OLFM3: variants seen among roughly 807,000 people sequenced by gnomAD.
The protein encoded by OLFM3 is noelin-3.
In OLFM3, 20 loss-of-function variants were observed where a neutral mutation model predicts 48.6. That is an observed-to-expected ratio of 0.41 (90% CI 0.29 to 0.60). OLFM3 has a LOEUF of 0.60. Ranked by LOEUF, OLFM3 falls within the 20% of genes least tolerant of loss-of-function variation. The pLI, the probability that OLFM3 is intolerant of heterozygous loss-of-function variation, is 0.28. For synonymous variants in OLFM3, 222 were observed against 198.1 expected (o/e 1.12, Z -1.01); for missense variants, 437 against 544.3 (o/e 0.80, Z 1.96).
At chr1:101,947,746 A>C (rs1010080390) in intron 1 of OLFM3, among the ~76,000 whole-genome samples, 1 of 152,246 alleles carries the variant, frequency 6.6e-6, no homozygotes. Context: ...TTCAAGTCCC[A>C]ATGCCATCAC....
intron 1 of OLFM3, among the ~76,000 whole-genome samples, chr1:101,892,404 CA>C (rs34160701): frequency 0.27 from 40,933 of 151,910 alleles, 5,710 homozygotes; most frequent in East Asian, 0.36. Flanking sequence ...TGAGCAGCAA[CA>C]ACTGAAGAGC....
intron 1 of OLFM3, among the ~76,000 whole-genome samples, chr1:101,849,858 A>G (rs1656156052): frequency 6.6e-6 from 1 of 152,218 alleles, no homozygotes; most frequent in Non-Finnish European, 1.5e-5. Flanking sequence ...ATACACAGGT[A>G]GAAGCATAAC....
chr1:101,987,619 T>C (rs1661284215), intron 1 of OLFM3, among the ~76,000 whole-genome samples: 1 of 152,162 alleles, frequency 6.6e-6, no homozygotes, highest in South Asian at 2.1e-4. Flanking sequence ...TTGTAAGTCA[T>C]ATTTTACCAG....
At chr1:101,985,664 G>A (rs371119601) in intron 1 of OLFM3, among the ~76,000 whole-genome samples, 3 of 152,168 alleles carry the variant, frequency 2.0e-5, no homozygotes. Context: ...AAAGACAGTA[G>A]AAACAAAAGG....
rs1438908459 is a variant in OLFM3, at chr1:101,806,201, A to C, written c.593-19T>G. On this transcript the variant is annotated intron_variant, in intron 4 of 5. Coordinates refer to ENST00000370103, the MANE Select transcript of OLFM3 (RefSeq NM_058170.4). ...CCACATGCTGAAATTAGAGAAACACAAACGTGTTAGGTGAACGCAGCCAAT... is the reference window on the plus strand; with the variant it reads ...CCACATGCTGAAATTAGAGAAACACCAACGTGTTAGGTGAACGCAGCCAAT... 3 of 1,594,794 alleles carry C rather than the reference A, an allele frequency of 1.9e-6. No homozygotes were observed. The highest frequency in any genetic ancestry group is 2.6e-6 in the Non-Finnish European group (3 of 1,163,366).
intron 1 of OLFM3, chr1:101,893,291 G>A (rs1039769309): frequency 8.3e-6 from 3 of 359,830 alleles, no homozygotes; most frequent in Non-Finnish European, 1.7e-5. Context: ...TAATTGCCAA[G>A]GTATTGGAAT....
chr1:101,873,246 A>G (rs1403518340), intron 1 of OLFM3, among the ~76,000 whole-genome samples: 2 of 151,914 alleles, frequency 1.3e-5, no homozygotes, highest in Non-Finnish European at 2.9e-5. Context: ...TTCCTTCTGC[A>G]TATGTATATT....
At chr1:101,978,692 G>A (rs952566901) in intron 1 of OLFM3, among the ~76,000 whole-genome samples, 1 of 152,242 alleles carries the variant, frequency 6.6e-6, no homozygotes, top group African/African-American at 2.4e-5. Flanking sequence ...ACATATATAT[G>A]CTCACACAGA....
chr1:101,861,778 A>T (rs1656666487), intron 1 of OLFM3, among the ~76,000 whole-genome samples: 2 of 152,220 alleles, frequency 1.3e-5, no homozygotes, highest in Non-Finnish European at 2.9e-5. Context: ...TGTGTAAATT[A>T]ATTATTTTTC....
At chr1:101,810,352 A>G (rs1166112881) in intron 4 of OLFM3, among the ~76,000 whole-genome samples, 2 of 152,006 alleles carry the variant, frequency 1.3e-5, no homozygotes, top group African/African-American at 2.4e-5. Flanking sequence ...AAAGCATGTT[A>G]ATATAAATAT....
intron 4 of OLFM3, among the ~76,000 whole-genome samples, chr1:101,813,716 C>T (rs903438077): frequency 6.6e-6 from 1 of 152,196 alleles, no homozygotes; most frequent in African/African-American, 2.4e-5. Flanking sequence ...TATCTTCTCT[C>T]TGACCAGTGA....
intron 1 of OLFM3, among the ~76,000 whole-genome samples, chr1:101,879,910 T>G (rs2100988607): frequency 6.6e-6 from 1 of 151,946 alleles, no homozygotes; most frequent in Non-Finnish European, 1.5e-5. Flanking sequence ...TAGCATATAA[T>G]TGATGAAAAA....
rs780366296 is a variant in OLFM3 at position 101,804,939 on chromosome 1, T to C, written c.700-24A>G. On this transcript the variant is annotated intron_variant, in intron 5 of 5. Transcript: ENST00000370103. This position sits in a 1 kb window ranked among gnomAD's most constrained non-coding sequence, Gnocchi z 4.5. ...ACCTGAGAAGAAGGAAAAAAATAAA[T>C]GGAGTGACTAAATTCTGTACTTTTC... The C allele has an allele frequency of 1.9e-6, 3 of 1,549,542 alleles. No individual in the cohort carries two copies. Among genetic ancestry groups the C allele is most frequent in the Non-Finnish European group, 2.6e-6 (3 of 1,139,958 alleles).
intron 1 of OLFM3, among the ~76,000 whole-genome samples, chr1:101,928,586 T>C (rs763879866): frequency 2.6e-5 from 4 of 152,134 alleles, no homozygotes; most frequent in Non-Finnish European, 4.4e-5. Context: ...AGTCTTAGAA[T>C]TTCACTCATT....
chr1:101,943,292 C>T (rs74434955), intron 1 of OLFM3, among the ~76,000 whole-genome samples: 351 of 152,314 alleles, frequency 2.3e-3, no homozygotes, highest in African/African-American at 7.7e-3. Flanking sequence ...CTGTGGACAG[C>T]GGCTTCAGCC....
At chr1:101,825,395 T>A in intron 3 of OLFM3, 150 bp from the exon 4 acceptor site, 4 of 653,788 alleles carry the variant, frequency 6.1e-6, no homozygotes, top group Non-Finnish European at 1.0e-5. Context: ...TGTGAAAATT[T>A]AAGCGGTCAT....
intron 1 of OLFM3, among the ~76,000 whole-genome samples, chr1:101,991,103 G>A (rs1425250320): frequency 1.4e-5 from 2 of 137,984 alleles, no homozygotes; most frequent in African/African-American, 5.4e-5. Context: ...AGTGTTAGGT[G>A]AACTAAAATG....
rs371081379 is a variant in OLFM3, at chr1:101,862,921, G to C, written c.70-25896C>G. On this transcript the variant is annotated intron_variant, in intron 1 of 5. Transcript: ENST00000370103. ...TTCACTCAGTGTTGTAATGCCCTTTGAAAATCTCTGATACATTGATTTTTC... is the reference window on the plus strand; with the variant it reads ...TTCACTCAGTGTTGTAATGCCCTTTCAAAATCTCTGATACATTGATTTTTC... Among the ~76,000 whole-genome samples the C allele has an allele frequency of 3.3e-5, 5 of 151,888 alleles. No individual in the cohort carries two copies. The South Asian group carries it at 1.0e-3, about 32-fold the overall frequency.
At chr1:101,838,212 C>T (rs537410464) in intron 1 of OLFM3, among the ~76,000 whole-genome samples, 2 of 152,062 alleles carry the variant, frequency 1.3e-5, no homozygotes, top group Non-Finnish European at 1.5e-5. Context: ...GCATGTGTCA[C>T]CATGTCTGGC....
Sources: gnomAD v4.1 joint callset for allele counts (sites outside exome capture counted in the v4.1 genomes callset) on GRCh38, gnomAD v4.1.1 for gene constraint, Gnocchi (gnomAD v3.1) non-coding constraint, MANE v1.5 for transcripts, NCBI Gene and HGNC (gene_info 2026-07-23, HGNC 2026-07-21) for gene names.